Variants in DBF4B observed in about 807,000 individuals in gnomAD.
DBF4B encodes DBF4B-CDC7 kinase regulatory subunit, also known as protein DBF4 homolog B.
Under a neutral mutation model 53.4 loss-of-function variants are expected in DBF4B, and 49 were observed. The observed-to-expected ratio is 0.92, with a 90% CI of 0.73 to 1.16. The LOEUF (loss-of-function observed/expected upper bound fraction) is 1.16. Among genes scored for constraint, DBF4B ranks in the 50% most tolerant of loss-of-function variants. The probability of loss-of-function intolerance (pLI) is 0.00; values close to 1 mark genes in which losing one functional copy is unlikely to be tolerated. For missense variants in DBF4B, 692 were observed against 775.0 expected, an observed-to-expected ratio of 0.89 and a Z score of 1.27; for synonymous variants, 257 against 288.7, an observed-to-expected ratio of 0.89 and a Z score of 1.11.
intron 2 of DBF4B, among the ~76,000 whole-genome samples, chr17:44,712,678 A>G (rs1327605140): frequency 2.0e-5 from 3 of 151,774 alleles, no homozygotes; most frequent in African/African-American, 7.3e-5. Flanking sequence ...TGACCTCACG[A>G]TCTGCCCTCC....
At chr17:44,736,263 C>T (rs769460608) in intron 7 of DBF4B, among the ~76,000 whole-genome samples, 1 of 151,946 alleles carries the variant, frequency 6.6e-6, no homozygotes, top group African/African-American at 2.4e-5. Context: ...AAATTACAGA[C>T]GTGAGCCACC....
chr17:44,736,831 G>T lies in DBF4B; in HGVS notation c.632G>T (p.Gly211Val). The change falls in exon 8 of 14, where the codon GGA becomes GTA. Residue 211 changes from glycine (G) to valine (V), a missense_variant and splice_region_variant. By Grantham distance (109) the Gly-to-Val change is moderately radical. Transcript: ENST00000315005. Reference sequence around the variant, plus strand: ...AACCTATTTTTCCTTTCCATTTAGGGAACATGTCCAGCAGCAGAGTCAAGA... The same window carrying T: ...AACCTATTTTTCCTTTCCATTTAGGTAACATGTCCAGCAGCAGAGTCAAGA... ...VKKQQPKKPE[G>V]TCPAAESRTR... The T allele has an allele frequency of 6.2e-7, 1 of 1,614,022 alleles. No homozygotes were observed. The highest frequency in any genetic ancestry group is 1.1e-5 in the South Asian group (1 of 91,050).
intron 2 of DBF4B, among the ~76,000 whole-genome samples, chr17:44,719,576 C>T (rs1973646599): frequency 6.6e-6 from 1 of 152,174 alleles, no homozygotes; most frequent in Non-Finnish European, 1.5e-5. Context: ...TTTCACTTAG[C>T]ATAATGCTTT....
chr17:44,739,541 C>T (rs1975783258), intron 9 of DBF4B, among the ~76,000 whole-genome samples: 1 of 152,234 alleles, frequency 6.6e-6, no homozygotes, highest in Non-Finnish European at 1.5e-5. Flanking sequence ...TACAGAGGTG[C>T]TGTCTTCCAG....
chr17:44,736,994 C>T (rs1404822862), intron 8 of DBF4B, 128 bp downstream of exon 8: 8 of 1,144,334 alleles, frequency 7.0e-6, no homozygotes, highest in African/African-American at 1.5e-5. Flanking sequence ...TATCTTGCCC[C>T]TTTGTGTTTC....
chr17:44,748,298 G>A, intron 12 of DBF4B, 43 bp from the exon 13 acceptor site: 3 of 1,552,922 alleles, frequency 1.9e-6, no homozygotes, highest in Non-Finnish European at 2.6e-6. Flanking sequence ...CAGGCCTGCT[G>A]TGAAGTTGAA....
chr17:44,723,711 A>G (rs1287905495), intron 3 of DBF4B, among the ~76,000 whole-genome samples: 2 of 151,984 alleles, frequency 1.3e-5, no homozygotes, highest in Admixed American at 6.6e-5. Context: ...GTAAGCCGAG[A>G]TTGTACCACT....
intron 3 of DBF4B, among the ~76,000 whole-genome samples, chr17:44,728,169 C>G (rs1221834247): frequency 2.6e-5 from 4 of 152,094 alleles, no homozygotes; most frequent in South Asian, 2.1e-4. Flanking sequence ...ATCTGGCACT[C>G]TGTGTCAGTT....
At chr17:44,709,433 AAAAATGTTCCCCCTGTTGG>A in intron 2 of DBF4B, 67 bp downstream of exon 2, 1 of 1,530,480 alleles carries the variant, frequency 6.5e-7, no homozygotes. Flanking sequence ...GAGAAGACCG[AAAAATGTTCCCCCTGTTGG>A]AGTTTTCGAT....
intron 2 of DBF4B, among the ~76,000 whole-genome samples, chr17:44,715,412 G>A (rs1973237641): frequency 6.6e-6 from 1 of 151,952 alleles, no homozygotes; most frequent in Non-Finnish European, 1.5e-5. Context: ...AGCCAGGCTG[G>A]TCTCAAACTC....
At chr17:44,712,158 A>C (rs1972942029) in intron 2 of DBF4B, among the ~76,000 whole-genome samples, 1 of 151,930 alleles carries the variant, frequency 6.6e-6, no homozygotes, top group Non-Finnish European at 1.5e-5. Context: ...ATGAGAGTTA[A>C]TCCCCTTTCA....
chr17:44,732,046 C>G (rs1232081868), intron 5 of DBF4B, 132 bp from the exon 6 acceptor site: 1 of 772,582 alleles, frequency 1.3e-6, no homozygotes, highest in Non-Finnish European at 2.1e-6. Flanking sequence ...ACTGTACTCT[C>G]TCTCCTACCT....
rs551748215 is a variant in DBF4B, at chr17:44,735,463, G to A, written c.630+1300G>A. Among the ~76,000 whole-genome samples the A allele has an allele frequency of 2.6e-5, 4 of 152,122 alleles. No homozygotes were observed. In the South Asian group the frequency reaches 6.2e-4, roughly 24 times the overall value. ...CGAGGCAGGTGAATCGCTTGAGGTC[G>A]GGAGTTTGAGACCAGTTGGCCAACA... On this transcript the variant is annotated intron_variant, in intron 7 of 13. Transcript: ENST00000315005.
In DBF4B at chr17:44,749,755, C is replaced by T; in HGVS notation, c.1190-840C>T. 5 of 1,117,538 alleles carry T rather than the reference C, an allele frequency of 4.5e-6. No individual in the cohort carries two copies. Among genetic ancestry groups the T allele is most frequent in the African/African-American group, 1.6e-5 (1 of 61,832 alleles). The allele number at this position is 1,117,538 out of a possible 1,614,324, so 69.2% of individuals were successfully genotyped here. On this transcript the variant is annotated intron_variant, in intron 13 of 13. Transcript: ENST00000315005. The surrounding 1 kb of genome is among the most constrained non-coding windows in gnomAD (Gnocchi z 4.4). ...GGAGTCCTGGCCCGGCTTCCTGGCC[C>T]TCCACAGGCCCTTGCCTCTCTGCAG...
intron 3 of DBF4B, among the ~76,000 whole-genome samples, chr17:44,728,519 A>T (rs1204562602): frequency 6.6e-6 from 1 of 152,284 alleles, no homozygotes; most frequent in East Asian, 1.9e-4. Context: ...CTTTTGCTGT[A>T]TTAAAAAAGG....
chr17:44,734,251 C>A, intron 7 of DBF4B, 88 bp downstream of exon 7: 1 of 1,521,626 alleles, frequency 6.6e-7, no homozygotes, highest in Non-Finnish European at 9.1e-7. Context: ...CCACCCAAAC[C>A]ATCTCTTCCT....
chr17:44,739,966 T>A (rs1014044548), intron 9 of DBF4B, among the ~76,000 whole-genome samples: 2 of 152,208 alleles, frequency 1.3e-5, no homozygotes, highest in Non-Finnish European at 2.9e-5. Context: ...GGTTTGGCCA[T>A]GTTGGCCTGG....
At chr17:44,726,279 G>A (rs548245491) in intron 3 of DBF4B, among the ~76,000 whole-genome samples, 3 of 121,556 alleles carry the variant, frequency 2.5e-5, no homozygotes, top group African/African-American at 5.9e-5. Flanking sequence ...GTGAGCCATC[G>A]CACCCGGCCC....
intron 2 of DBF4B, among the ~76,000 whole-genome samples, chr17:44,722,089 G>A (rs1228567388): frequency 6.6e-6 from 1 of 151,622 alleles, no homozygotes; most frequent in Non-Finnish European, 1.5e-5. Flanking sequence ...AGCCGAGATC[G>A]CGCCATTGCA....
Sources: allele counts gnomAD v4.1 joint callset (sites outside exome capture counted in the v4.1 genomes callset), GRCh38; gene constraint gnomAD v4.1.1; non-coding constraint Gnocchi (gnomAD v3.1); transcripts MANE v1.5; gene names NCBI Gene and HGNC (gene_info 2026-07-23, HGNC 2026-07-21).